Variants in TGFBR3 observed in about 807,000 individuals in gnomAD.
TGFBR3 encodes transforming growth factor beta receptor 3.
In TGFBR3, 46 loss-of-function variants were observed where a neutral mutation model predicts 87.9. The ratio of observed to expected loss-of-function variants is 0.52; its 90% CI spans 0.41 to 0.67. TGFBR3 has a LOEUF of 0.67. Among genes scored for constraint, TGFBR3 ranks in the 30% least tolerant of loss-of-function variants. The pLI is 0.00. For missense variants in TGFBR3, 866 were observed against 1,041.9 expected, an observed-to-expected ratio of 0.83 and a Z score of 2.32; for synonymous variants, 381 against 391.6, an observed-to-expected ratio of 0.97 and a Z score of 0.32.
chr1:91,707,940 T>C (rs945440910), intron 14 of TGFBR3, among the ~76,000 whole-genome samples: 2 of 152,170 alleles, frequency 1.3e-5, no homozygotes, highest in Admixed American at 6.5e-5. Context: ...TCCTAACATT[T>C]GTTAGGGCCC....
rs1453145207 is a variant in TGFBR3 at position 91,861,509 on chromosome 1, G to A, written c.23C>T (p.Ala8Val). The A allele has an allele frequency of 3.1e-6, 5 of 1,613,660 alleles. No individual in the cohort carries two copies. The African/African-American group carries it at 6.7e-5, about 22-fold the overall frequency. Reference protein sequence around the residue: MTSHYVIAIFALMSSCLA... With the variant: MTSHYVIVIFALMSSCLA... ...ACAGGAGCTCATCAGGGCAAAGATG[G>A]CAATCACATAATGGGAAGTCATTTT... The change falls in exon 2 of 17, where the codon GCC becomes GTC. Residue 8 changes from alanine to valine, a missense_variant. By Grantham distance (64) the Ala-to-Val change is moderately conservative (BLOSUM62 0). Transcript: ENST00000212355.
At chr1:91,782,360 C>T (rs562147099) in intron 3 of TGFBR3, among the ~76,000 whole-genome samples, 4 of 152,254 alleles carry the variant, frequency 2.6e-5, no homozygotes, top group African/African-American at 9.6e-5. Flanking sequence ...GGAAGATGCC[C>T]GAATTTAAGA....
At chr1:91,721,634 C>CTGCAG (rs1267751880) in intron 8 of TGFBR3, among the ~76,000 whole-genome samples, 1 of 152,256 alleles carries the variant, frequency 6.6e-6, no homozygotes, top group East Asian at 1.9e-4. Flanking sequence ...AACTTCTTTC[C>CTGCAG]TGCAGTCTTA....
intron 3 of TGFBR3, among the ~76,000 whole-genome samples, chr1:91,759,031 A>G (rs2100896304): frequency 6.6e-6 from 1 of 152,198 alleles, no homozygotes; most frequent in Middle Eastern, 3.4e-3. Context: ...AACAGAACAC[A>G]TTTTTTCTTT....
intron 2 of TGFBR3, among the ~76,000 whole-genome samples, chr1:91,803,072 A>G (rs1159283415): frequency 6.6e-6 from 1 of 152,184 alleles, no homozygotes; most frequent in Non-Finnish European, 1.5e-5. Context: ...TCTCTGCTTT[A>G]AAAGACTTAT....
intron 4 of TGFBR3, among the ~76,000 whole-genome samples, chr1:91,739,184 C>T (rs776409610): frequency 2.8e-4 from 42 of 152,090 alleles, no homozygotes; most frequent in Non-Finnish European, 5.0e-4. Context: ...CAAATGTTTT[C>T]GCAGGATGGC....
intron 3 of TGFBR3, chr1:91,770,740 T>TA (rs889552939): frequency 6.6e-6 from 1 of 152,172 alleles, no homozygotes; most frequent in African/African-American, 2.4e-5. Flanking sequence ...AATGCATTCC[T>TA]AAAAAACACT....
At chr1:91,832,387 G>T (rs1676883507) in intron 2 of TGFBR3, among the ~76,000 whole-genome samples, 1 of 151,862 alleles carries the variant, frequency 6.6e-6, no homozygotes, top group Non-Finnish European at 1.5e-5. Context: ...CCCATTATAT[G>T]ACCCTCAAAA....
intron 2 of TGFBR3, among the ~76,000 whole-genome samples, chr1:91,801,319 C>A (rs1675622234): frequency 6.6e-6 from 1 of 152,126 alleles, no homozygotes. Flanking sequence ...GAGGCAGGGT[C>A]CTGAAGTGCC....
intron 2 of TGFBR3, among the ~76,000 whole-genome samples, chr1:91,828,060 C>T (rs1443511184): frequency 6.6e-6 from 1 of 152,210 alleles, no homozygotes; most frequent in Non-Finnish European, 1.5e-5. Flanking sequence ...GGTACCGGCT[C>T]TTCAGATCAC....
At chr1:91,883,542 T>G (rs1426261921) in intron 1 of TGFBR3, among the ~76,000 whole-genome samples, 1 of 152,162 alleles carries the variant, frequency 6.6e-6, no homozygotes, top group Non-Finnish European at 1.5e-5. Flanking sequence ...AAAAACGGGT[T>G]TATGCGCCTT....
At chr1:91,784,410 C>T (rs1457730557) in intron 3 of TGFBR3, among the ~76,000 whole-genome samples, 2 of 152,146 alleles carry the variant, frequency 1.3e-5, no homozygotes, top group African/African-American at 4.8e-5. Flanking sequence ...CAAAAAAAGA[C>T]CCAAGACCTA....
intron 3 of TGFBR3, among the ~76,000 whole-genome samples, chr1:91,761,988 C>A (rs758095405): frequency 1.3e-5 from 2 of 152,118 alleles, no homozygotes; most frequent in Non-Finnish European, 2.9e-5. Flanking sequence ...GAAATCCAAA[C>A]AGTAGTTTAA....
At chr1:91,826,945 T>C (rs2799529) in intron 2 of TGFBR3, among the ~76,000 whole-genome samples, 151,295 of 152,262 alleles carry the variant, frequency 0.99, 75,171 homozygotes, top group Middle Eastern at 1. Flanking sequence ...TCTGTTGTTA[T>C]ACTCAACCCC....
At chr1:91,807,522 A>T (rs1675879310) in intron 2 of TGFBR3, among the ~76,000 whole-genome samples, 1 of 152,206 alleles carries the variant, frequency 6.6e-6, no homozygotes, top group African/African-American at 2.4e-5. Flanking sequence ...AATTTCCTGT[A>T]TTCAATTGTG....
rs1230208051 is a variant in TGFBR3 at position 91,683,364 on chromosome 1, C to G, written c.*375G>C. 2 of 491,390 alleles carry G rather than the reference C, an allele frequency of 4.1e-6. No homozygotes were observed. Among genetic ancestry groups the G allele is most frequent in the African/African-American group, 1.9e-5 (1 of 51,562 alleles). 30.4% of individuals were successfully genotyped at this position (491,390 alleles called of 1,614,324 possible). A position where few individuals can be genotyped will look rare whatever the true frequency, so the allele number is the denominator to read the frequency against. On this transcript the variant is annotated 3_prime_UTR_variant, in exon 17 of 17. Transcript: ENST00000212355. ...TCTGGCTATTAACCCTTTACCAACT[C>G]CTTGAGTCTGGGTAAAACTCAGGGC...
chr1:91,871,042 CAAA>C (rs58335918), intron 1 of TGFBR3, among the ~76,000 whole-genome samples: 4 of 130,174 alleles, frequency 3.1e-5, no homozygotes, highest in Admixed American at 7.8e-5. Flanking sequence ...GCTCTGTCAC[CAAA>C]AAAAAAAAAA....
At chr1:91,891,920 T>C (rs1381753688) in intron 2 of TGFBR3, among the ~76,000 whole-genome samples, 3 of 152,208 alleles carry the variant, frequency 2.0e-5, no homozygotes, top group Admixed American at 6.5e-5. Flanking sequence ...AATTTGGTTT[T>C]CGCTGATAAA....
intron 12 of TGFBR3, among the ~76,000 whole-genome samples, chr1:91,714,098 G>A (rs1672080812): frequency 2.0e-5 from 3 of 151,714 alleles, no homozygotes; most frequent in Non-Finnish European, 4.4e-5. Context: ...GTGAGTAGGA[G>A]AAGGACTACG....
Sources: gnomAD v4.1 joint callset for allele counts (sites outside exome capture counted in the v4.1 genomes callset) on GRCh38, gnomAD v4.1.1 for gene constraint, MANE v1.5 for transcripts, NCBI Gene and HGNC (gene_info 2026-07-23, HGNC 2026-07-21) for gene names.